GABRB2: variants seen among roughly 807,000 people sequenced by gnomAD.
GABRB2 encodes the protein gamma-aminobutyric acid type A receptor subunit beta2, also known as gamma-aminobutyric acid receptor subunit beta-2.
Under a neutral mutation model 54.7 loss-of-function variants are expected in GABRB2, and 16 were observed. That is an observed-to-expected ratio of 0.29 (90% CI 0.20 to 0.44). The LOEUF is 0.44. GABRB2 is among the 20% of genes least tolerant of loss of function. The pLI is 1.00. For synonymous variants in GABRB2, 244 were observed against 233.8 expected (o/e 1.04, Z -0.40); for missense variants, 355 against 644.0 (o/e 0.55, Z 4.86).
rs73797568 is a variant in GABRB2 at position 161,319,745 on chromosome 5, G to C, written c.1191+6623C>G. Among the ~76,000 whole-genome samples, 613 of 151,770 alleles carry C rather than the reference G, an allele frequency of 4.0e-3. 7 individuals carry two copies. Among genetic ancestry groups the C allele is most frequent in the African/African-American group, 0.013 (545 of 41,496 alleles). ...TACAAGAGTTTAAATACCACTAGAG[G>C]TATTTGAATTTTCATGTCTGATAGA... is the stretch of plus-strand genomic sequence containing the variant. On this transcript the variant is annotated intron_variant, in intron 9 of 9. Transcript: ENST00000393959.
intron 5 of GABRB2, among the ~76,000 whole-genome samples, chr5:161,361,075 C>T (rs1359396650): frequency 2.6e-5 from 4 of 151,432 alleles, no homozygotes; most frequent in Non-Finnish European, 4.4e-5. Context: ...TTCTTTCAGA[C>T]TGTGAGAAAC....
chr5:161,510,328 C>T (rs369777584), intron 3 of GABRB2, among the ~76,000 whole-genome samples: 3 of 151,408 alleles, frequency 2.0e-5, no homozygotes, highest in African/African-American at 4.9e-5. Context: ...TTTTTTAGAC[C>T]GCACTAATAA....
intron 9 of GABRB2, among the ~76,000 whole-genome samples, chr5:161,298,396 A>G (rs1333977195): frequency 6.6e-6 from 1 of 152,150 alleles, no homozygotes; most frequent in East Asian, 1.9e-4. Context: ...CCACCATACT[A>G]TACTTCTTGA....
intron 5 of GABRB2, among the ~76,000 whole-genome samples, chr5:161,348,248 A>G (rs1289028234): frequency 6.6e-6 from 1 of 152,068 alleles, no homozygotes; most frequent in East Asian, 1.9e-4. Flanking sequence ...TAAAAATATC[A>G]TTAATTAATT....
chr5:161,472,680 G>A (rs1217898168), intron 3 of GABRB2, among the ~76,000 whole-genome samples: 1 of 151,904 alleles, frequency 6.6e-6, no homozygotes, highest in Non-Finnish European at 1.5e-5. Context: ...AGTTTTGGCA[G>A]AGGGTGTACT....
At chr5:161,497,949 C>T (rs1459966904) in intron 3 of GABRB2, among the ~76,000 whole-genome samples, 1 of 152,080 alleles carries the variant, frequency 6.6e-6, no homozygotes, top group African/African-American at 2.4e-5. Context: ...GTTTTTAACT[C>T]AAATGCAAAA....
chr5:161,374,920 C>T (rs529186167), intron 5 of GABRB2, among the ~76,000 whole-genome samples: 6 of 151,902 alleles, frequency 3.9e-5, no homozygotes, highest in Admixed American at 2.6e-4. Flanking sequence ...GCTCATGGTG[C>T]GTAGTAGACA....
At chr5:161,411,780 C>T (rs1756523128) in intron 4 of GABRB2, among the ~76,000 whole-genome samples, 1 of 151,510 alleles carries the variant, frequency 6.6e-6, no homozygotes, top group Non-Finnish European at 1.5e-5. Flanking sequence ...TTCTATTGAC[C>T]TTCTAGAAGC....
chr5:161,423,715 C>G lies in GABRB2; in HGVS notation c.459-12658G>C, dbSNP rs112387477. 3.4e-3 allele frequency among the ~76,000 whole-genome samples: 515 copies of G among 152,136 alleles called. 3 individuals are homozygous for G. The highest frequency in any genetic ancestry group is 0.012 in the African/African-American group (479 of 41,512). On this transcript the variant is annotated intron_variant, in intron 4 of 9. Transcript: ENST00000393959. Reference sequence around the variant, plus strand: ...TCAATTAATAATTCTACAATGGCCTCTAGGTGTTCTAGTGAAAGAAAGATT... The same window carrying G: ...TCAATTAATAATTCTACAATGGCCTGTAGGTGTTCTAGTGAAAGAAAGATT...
At chr5:161,437,100 T>C (rs1263148455) in intron 4 of GABRB2, among the ~76,000 whole-genome samples, 2 of 152,090 alleles carry the variant, frequency 1.3e-5, no homozygotes, top group African/African-American at 4.8e-5. Context: ...CTAGGGCGGA[T>C]TTAGGCCCAG....
Position 161,294,024 on chromosome 5 carries a change from G to T in GABRB2, c.*57C>A. On this transcript the variant is annotated 3_prime_UTR_variant, in exon 10 of 10. Coordinates refer to ENST00000393959, the MANE Select transcript of GABRB2 (RefSeq NM_001371727.1). ...ATGTGTTTTCCAAGTCCTACATCAGGCTGTACAACTGGTTTGAGGAGGAAT... is the reference window on the plus strand; with the variant it reads ...ATGTGTTTTCCAAGTCCTACATCAGTCTGTACAACTGGTTTGAGGAGGAAT... 1 of 1,311,704 alleles carries T rather than the reference G, an allele frequency of 7.6e-7. No individual in the cohort carries two copies. The highest frequency in any genetic ancestry group is 1.1e-6 in the Non-Finnish European group (1 of 924,426). The allele number at this position is 1,311,704 out of a possible 1,614,324, so 81.3% of individuals were successfully genotyped here. A position where few individuals can be genotyped will look rare whatever the true frequency, so the allele number is the denominator to read the frequency against.
chr5:161,384,755 C>G (rs1029780297), intron 5 of GABRB2, among the ~76,000 whole-genome samples: 1 of 152,122 alleles, frequency 6.6e-6, no homozygotes, highest in African/African-American at 2.4e-5. Context: ...CCAATACTTA[C>G]TCTAAGGCAG....
chr5:161,490,604 A>G (rs1759070673), intron 3 of GABRB2, among the ~76,000 whole-genome samples: 1 of 151,766 alleles, frequency 6.6e-6, no homozygotes, highest in South Asian at 2.1e-4. Flanking sequence ...TACCCAGCCC[A>G]TAAACTCTAA....
intron 4 of GABRB2, among the ~76,000 whole-genome samples, chr5:161,437,384 A>G (rs1757342246): frequency 6.6e-6 from 1 of 152,050 alleles, no homozygotes; most frequent in African/African-American, 2.4e-5. Flanking sequence ...ACATATGTAG[A>G]CACATCCTGG....
At position 161,393,490 on chromosome 5, in the gene GABRB2, G is replaced by T. The variant is rs1755899849; in HGVS notation, c.541+17485C>A. Among the ~76,000 whole-genome samples the T allele has an allele frequency of 2.6e-5, 4 of 151,860 alleles. No homozygotes were observed. The South Asian group carries it at 8.3e-4, about 32-fold the overall frequency. On this transcript the variant is annotated intron_variant, in intron 5 of 9. Coordinates refer to ENST00000393959, the MANE Select transcript of GABRB2 (RefSeq NM_001371727.1). ...AACCGTCAAAGCATACAAAAAGCCA[G>T]ACTCTACTATGTGAGTCCTGAAAGA...
rs1398101712 is a variant in GABRB2 at position 161,304,778 on chromosome 5, A to G, written c.1192-10350T>C. On this transcript the variant is annotated intron_variant, in intron 9 of 9. Coordinates refer to ENST00000393959, the MANE Select transcript of GABRB2 (RefSeq NM_001371727.1). ...CAGTACATTCGAATTGTTACATTTA[A>G]TATTATTAAAGCACATTTAATAAAA... 1.6e-4 allele frequency among the ~76,000 whole-genome samples: 24 copies of G among 152,020 alleles called. 1 individual carries two copies. The highest frequency in any genetic ancestry group is 1.6e-3 in the Admixed American group (24 of 15,258).
intron 5 of GABRB2, among the ~76,000 whole-genome samples, chr5:161,385,947 GGTGTGTGTGTGTGT>G (rs70990781): frequency 0.03 from 2,840 of 93,354 alleles, 36 homozygotes; most frequent in Middle Eastern, 0.12. Context: ...CCTATTGTCT[GGTGTGTGTGTGTGT>G]GTGTGTGTGT....
intron 3 of GABRB2, among the ~76,000 whole-genome samples, chr5:161,463,580 T>TAA (rs1167785638): frequency 2.4e-5 from 3 of 125,522 alleles, no homozygotes; most frequent in African/African-American, 6.0e-5. Flanking sequence ...TATATATATA[T>TAA]ATATATATAT....
chr5:161,383,257 CT>C (rs1746447842), intron 5 of GABRB2, among the ~76,000 whole-genome samples: 1 of 152,198 alleles, frequency 6.6e-6, no homozygotes, highest in African/African-American at 2.4e-5. Flanking sequence ...ATCAACATGT[CT>C]TCATTTCCTT....
Sources: allele counts gnomAD v4.1 joint callset (sites outside exome capture counted in the v4.1 genomes callset), GRCh38; gene constraint gnomAD v4.1.1; transcripts MANE v1.5; gene names NCBI Gene and HGNC (gene_info 2026-07-23, HGNC 2026-07-21).